The following AFAP1 variants were observed in gnomAD, a reference collection of about 807,000 sequenced individuals.
AFAP1 encodes the protein actin filament-associated protein 1.
AFAP1 carries 75 observed loss-of-function variants against 93.9 expected under a neutral mutation model. The observed-to-expected ratio is 0.80, with a 90% confidence interval of 0.66 to 0.97. AFAP1 has a LOEUF of 0.97. Among genes scored for constraint, AFAP1 ranks in the 50% least tolerant of loss-of-function variants. AFAP1 has a pLI of 0.00. For synonymous variants in AFAP1, 517 were observed against 430.7 expected (o/e 1.20, Z -2.48); for missense variants, 1,201 against 1,050.8 (o/e 1.14, Z -1.98).
Position 7,842,301 on chromosome 4 carries a change from C to CAA in AFAP1, c.546+836_546+837dup, listed in dbSNP as rs57050150. Among the ~76,000 whole-genome samples, 287 of 94,854 alleles carry CAA rather than the reference C, an allele frequency of 3.0e-3. 1 individual carries two copies. The highest frequency in any genetic ancestry group is 0.01 in the African/African-American group (255 of 24,506). 62.2% of individuals were successfully genotyped at this position (94,854 alleles called of 152,430 possible). On this transcript the variant is annotated intron_variant, in intron 5 of 17. Transcript: ENST00000420658. ...AATTCAAAGATGAAACCTGGATTTA[C>CAA]AAAAAAAAAAAAAAAAAAAAAGATA...
chr4:7,827,624 G>A lies in AFAP1; in HGVS notation c.727-8453C>T, dbSNP rs145016823. On this transcript the variant is annotated intron_variant, in intron 6 of 17. Coordinates refer to ENST00000420658, the MANE Select transcript of AFAP1 (RefSeq NM_001134647.2). Reference sequence around the variant, plus strand: ...AGAGAAAAATGAGGCAAGAGAGGACGGCCAAAAGCTTCCCCAAGTGAAGCT... The same window carrying A: ...AGAGAAAAATGAGGCAAGAGAGGACAGCCAAAAGCTTCCCCAAGTGAAGCT... 3.6e-3 allele frequency among the ~76,000 whole-genome samples: 499 copies of A among 139,518 alleles called. 5 individuals are homozygous for A. Among genetic ancestry groups the A allele is most frequent in the African/African-American group, 0.012 (453 of 37,092 alleles). The allele number at this position is 139,518 out of a possible 152,430, so 91.5% of individuals were successfully genotyped here.
chr4:7,770,019 A>AGG (rs1268197754), intron 16 of AFAP1, among the ~76,000 whole-genome samples: 1 of 152,156 alleles, frequency 6.6e-6, no homozygotes, highest in Non-Finnish European at 1.5e-5. Flanking sequence ...GCATCTCAAG[A>AGG]GGGGTCCACC....
At chr4:7,786,108 C>G (rs957471643) in intron 12 of AFAP1, 86 bp downstream of exon 12, 2 of 1,290,456 alleles carry the variant, frequency 1.5e-6, no homozygotes, top group Non-Finnish European at 2.2e-6. Context: ...TTATTCAGAC[C>G]TGAAACCAGG....
At chr4:7,837,928 C>G (rs945851922) in intron 6 of AFAP1, among the ~76,000 whole-genome samples, 1 of 151,994 alleles carries the variant, frequency 6.6e-6, no homozygotes, top group Non-Finnish European at 1.5e-5. Flanking sequence ...GTGGGAGGAT[C>G]GATTGAGCCC....
chr4:7,794,163 C>A (rs573406355), intron 10 of AFAP1, among the ~76,000 whole-genome samples: 22 of 152,298 alleles, frequency 1.4e-4, no homozygotes, highest in African/African-American at 5.1e-4. Context: ...GTGCCTTTGG[C>A]AACACCACCT....
intron 1 of AFAP1, among the ~76,000 whole-genome samples, chr4:7,923,057 T>C (rs1299340290): frequency 1.3e-5 from 2 of 152,150 alleles, no homozygotes; most frequent in Admixed American, 6.5e-5. Flanking sequence ...CAGAAAATCA[T>C]ACCATATATG....
chr4:7,849,841 C>A (rs1442217218), intron 4 of AFAP1, among the ~76,000 whole-genome samples: 4 of 152,102 alleles, frequency 2.6e-5, no homozygotes, highest in Admixed American at 1.3e-4. Flanking sequence ...AATACAAGAG[C>A]TACAAAATAC....
At chr4:7,763,875 G>GGTA in intron 17 of AFAP1, 84 bp from the exon 18 acceptor site, 1 of 1,397,326 alleles carries the variant, frequency 7.2e-7, no homozygotes, top group African/African-American at 1.4e-5. Flanking sequence ...ATTCAACTCA[G>GGTA]AGGGGGTGGG....
At chr4:7,792,736 C>G (rs189212886) in intron 11 of AFAP1, among the ~76,000 whole-genome samples, 1 of 152,328 alleles carries the variant, frequency 6.6e-6, no homozygotes, top group Admixed American at 6.5e-5. Flanking sequence ...AGGAAAAACC[C>G]ACGGGCTTCA....
At chr4:7,937,983 G>A (rs957491860) in intron 1 of AFAP1, among the ~76,000 whole-genome samples, 2 of 152,150 alleles carry the variant, frequency 1.3e-5, no homozygotes, top group Non-Finnish European at 2.9e-5. Flanking sequence ...ACCTCTATCA[G>A]AGCATTTTTC....
chr4:7,898,656 A>G (rs1718927654), intron 1 of AFAP1, among the ~76,000 whole-genome samples: 1 of 48,886 alleles, frequency 2.0e-5, no homozygotes, highest in African/African-American at 4.6e-5. Context: ...AAGAAAAAGA[A>G]GAAAAAAAAA....
chr4:7,918,251 A>C (rs1441051570), intron 1 of AFAP1, among the ~76,000 whole-genome samples: 1 of 150,530 alleles, frequency 6.6e-6, no homozygotes, highest in Non-Finnish European at 1.5e-5. Context: ...GTCACCAGGA[A>C]ACAGGGCTGC....
intron 7 of AFAP1, among the ~76,000 whole-genome samples, chr4:7,818,239 A>C (rs1467324553): frequency 6.6e-6 from 1 of 152,174 alleles, no homozygotes; most frequent in Non-Finnish European, 1.5e-5. Flanking sequence ...CACCTGCACC[A>C]TCGGCTCTCC....
At chr4:7,826,836 TC>T (rs764529661) in intron 6 of AFAP1, among the ~76,000 whole-genome samples, 1 of 152,160 alleles carries the variant, frequency 6.6e-6, no homozygotes, top group Non-Finnish European at 1.5e-5. Context: ...GAAATAGGAC[TC>T]TTGTCAGTCT....
intron 13 of AFAP1, 185 bp from the exon 14 acceptor site, chr4:7,779,061 G>A: frequency 1.7e-6 from 1 of 586,856 alleles, no homozygotes; most frequent in Non-Finnish European, 3.0e-6. Flanking sequence ...TGGGATTCTG[G>A]GGAATGGCTA....
intron 9 of AFAP1, among the ~76,000 whole-genome samples, chr4:7,803,208 T>C (rs1005162067): frequency 6.6e-6 from 1 of 152,294 alleles, no homozygotes; most frequent in East Asian, 1.9e-4. Context: ...TCCCCTCAAA[T>C]AACTTCACAT....
chr4:7,772,751 T>A (rs540130264), intron 16 of AFAP1, 69 bp downstream of exon 16: 2 of 1,481,112 alleles, frequency 1.4e-6, no homozygotes, highest in African/African-American at 1.4e-5. Context: ...CCACATTCTC[T>A]CTGGGTGCAC....
intron 13 of AFAP1, chr4:7,779,304 G>A (rs1401761142): frequency 6.2e-6 from 1 of 160,938 alleles, no homozygotes. Context: ...GCTGCTCCAA[G>A]TGCTTTGACA....
chr4:7,769,699 G>A (rs1205809326), intron 16 of AFAP1, among the ~76,000 whole-genome samples: 1 of 152,178 alleles, frequency 6.6e-6, no homozygotes, highest in Non-Finnish European at 1.5e-5. Flanking sequence ...AAGTCTCCAA[G>A]GAAGAGACGC....
Sources: allele counts gnomAD v4.1 joint callset (sites outside exome capture counted in the v4.1 genomes callset), GRCh38; gene constraint gnomAD v4.1.1; transcripts MANE v1.5; gene names NCBI Gene and HGNC (gene_info 2026-07-23, HGNC 2026-07-21).